SLC22A24: variants seen among roughly 807,000 people sequenced by gnomAD.
SLC22A24 encodes steroid transmembrane transporter SLC22A24.
A neutral mutation model predicts 49.8 loss-of-function variants in SLC22A24; 53 were observed. The observed-to-expected ratio is 1.06, with a 90% CI of 0.85 to 1.34. The LOEUF is 1.34. Among genes scored for constraint, SLC22A24 ranks in the 40% most tolerant of loss-of-function variants. SLC22A24 has a pLI of 0.00. For missense variants in SLC22A24, 786 were observed against 675.9 expected, an observed-to-expected ratio of 1.16 and a Z score of -1.81; for synonymous variants, 302 against 256.4, an observed-to-expected ratio of 1.18 and a Z score of -1.70.
At chr11:63,092,943 A>G (rs761500224) in intron 6 of SLC22A24, among the ~76,000 whole-genome samples, 1 of 152,186 alleles carries the variant, frequency 6.6e-6, no homozygotes, top group Non-Finnish European at 1.5e-5. Flanking sequence ...CAAGCTACCT[A>G]TCTGACAAAA....
At chr11:63,139,901 C>T (rs1371016741) in intron 1 of SLC22A24, among the ~76,000 whole-genome samples, 1 of 151,470 alleles carries the variant, frequency 6.6e-6, no homozygotes, top group Non-Finnish European at 1.5e-5. Flanking sequence ...TTCTCTTTAT[C>T]TGTATTTATA....
At chr11:63,130,478 G>C (rs2087325954) in intron 2 of SLC22A24, among the ~76,000 whole-genome samples, 1 of 152,114 alleles carries the variant, frequency 6.6e-6, no homozygotes, top group Non-Finnish European at 1.5e-5. Flanking sequence ...TCATGATGAT[G>C]CTGGTCTCAT....
At chr11:63,104,562 G>T (rs925018223) in intron 4 of SLC22A24, among the ~76,000 whole-genome samples, 15 of 152,076 alleles carry the variant, frequency 9.9e-5, no homozygotes. Context: ...CCTGAGACTG[G>T]GTAACTTATA....
At chr11:63,143,245 C>T in intron 1 of SLC22A24, 133 bp downstream of exon 1, 1 of 655,060 alleles carries the variant, frequency 1.5e-6, no homozygotes, top group Non-Finnish European at 2.3e-6. Flanking sequence ...GTGCTGCCAC[C>T]TGCTAAAGGA....
intron 1 of SLC22A24, among the ~76,000 whole-genome samples, chr11:63,142,733 C>A (rs548174143): frequency 6.6e-6 from 1 of 152,090 alleles, no homozygotes; most frequent in East Asian, 1.9e-4. Context: ...ATCTTGTGAC[C>A]CCCACTTAGG....
intron 1 of SLC22A24, among the ~76,000 whole-genome samples, chr11:63,136,619 C>T (rs2087376829): frequency 6.6e-6 from 1 of 152,226 alleles, no homozygotes; most frequent in Admixed American, 6.5e-5. Context: ...GCTGGCTCTG[C>T]ATGAATTATT....
At chr11:63,103,792 A>C (rs1221296547) in intron 5 of SLC22A24, among the ~76,000 whole-genome samples, 2 of 152,214 alleles carry the variant, frequency 1.3e-5, no homozygotes, top group Non-Finnish European at 2.9e-5. Context: ...ATAAAGGGTC[A>C]AAATCACATT....
intron 2 of SLC22A24, 127 bp from the exon 3 acceptor site, chr11:63,119,462 G>A: frequency 3.3e-6 from 3 of 897,630 alleles, no homozygotes; most frequent in Non-Finnish European, 5.0e-6. Context: ...CTTGACACCG[G>A]GTGGCATAAT....
At chr11:63,136,159 T>C (rs2087372832) in intron 1 of SLC22A24, among the ~76,000 whole-genome samples, 1 of 152,146 alleles carries the variant, frequency 6.6e-6, no homozygotes, top group Non-Finnish European at 1.5e-5. Context: ...TGATGAAAAG[T>C]AGATTTTATA....
intron 6 of SLC22A24, among the ~76,000 whole-genome samples, chr11:63,093,455 A>G (rs749781051): frequency 1.3e-5 from 2 of 152,224 alleles, no homozygotes; most frequent in Non-Finnish European, 2.9e-5. Flanking sequence ...AGACCCATCA[A>G]TAATAGACTA....
At chr11:63,083,556 T>C in intron 6 of SLC22A24, 99 bp from the exon 7 acceptor site, 2 of 955,336 alleles carry the variant, frequency 2.1e-6, no homozygotes, top group Non-Finnish European at 3.1e-6. Context: ...ATGATTATAA[T>C]ATTGACCCAA....
intron 6 of SLC22A24, among the ~76,000 whole-genome samples, chr11:63,092,356 C>T (rs2087025354): frequency 6.8e-6 from 1 of 146,778 alleles, no homozygotes; most frequent in African/African-American, 2.5e-5. Flanking sequence ...AATGCTATTC[C>T]CATGAAGCTA....
At chr11:63,119,152 A>G (rs1304400518) in intron 3 of SLC22A24, 29 bp downstream of exon 3, 1 of 1,528,962 alleles carries the variant, frequency 6.5e-7, no homozygotes, top group Non-Finnish European at 8.8e-7. Flanking sequence ...AGACATGGAG[A>G]TGATAAAATG....
At chr11:63,138,635 C>T (rs1332377064) in intron 1 of SLC22A24, among the ~76,000 whole-genome samples, 2 of 73,396 alleles carry the variant, frequency 2.7e-5, no homozygotes, top group Admixed American at 2.4e-4. Context: ...GAGCAAGACT[C>T]TGTCTCAAAA....
chr11:63,085,067 A>G (rs1000935958), intron 6 of SLC22A24, among the ~76,000 whole-genome samples: 3 of 152,070 alleles, frequency 2.0e-5, no homozygotes, highest in African/African-American at 7.2e-5. Context: ...GGTGAAGATG[A>G]TGATTTTCTG....
At chr11:63,111,353 G>A (rs969257680) in intron 4 of SLC22A24, among the ~76,000 whole-genome samples, 3 of 152,028 alleles carry the variant, frequency 2.0e-5, no homozygotes, top group Non-Finnish European at 4.4e-5. Flanking sequence ...TCAGGATGAT[G>A]CTGGCTTCAT....
chr11:63,140,091 T>TTG lies in SLC22A24; in HGVS notation c.402+3286_402+3287insCA, dbSNP rs2087404957. The stretch of plus-strand genomic sequence containing the variant: ...TGTTTTTTTGTTTTTTTTTTTTGTT[T>TTG]TTTTTTTTTGAGACGGGGTCTTGCT... On this transcript the variant is annotated intron_variant, in intron 1 of 9. Coordinates refer to ENST00000612278, the MANE Select transcript of SLC22A24 (RefSeq NM_001136506.2). 3.4e-5 allele frequency among the ~76,000 whole-genome samples: 5 copies of TTG among 148,670 alleles called. 1 individual carries two copies. In the South Asian group the frequency reaches 1.1e-3, roughly 32 times the overall value.
At chr11:63,080,116 T>C (rs1314675757) in intron 9 of SLC22A24, 116 bp from the exon 10 acceptor site, 2 of 640,610 alleles carry the variant, frequency 3.1e-6, no homozygotes, top group Admixed American at 2.6e-5. Flanking sequence ...CCCACCAGCA[T>C]TGTAATCCAA....
chr11:63,139,013 T>C (rs1313851823), intron 1 of SLC22A24, among the ~76,000 whole-genome samples: 1 of 152,150 alleles, frequency 6.6e-6, no homozygotes, highest in African/African-American at 2.4e-5. Flanking sequence ...TAATAAGAGA[T>C]CTGAAAGGAT....
Sources: gnomAD v4.1 joint callset for allele counts (sites outside exome capture counted in the v4.1 genomes callset) on GRCh38, gnomAD v4.1.1 for gene constraint, MANE v1.5 for transcripts, NCBI Gene and HGNC (gene_info 2026-07-23, HGNC 2026-07-21) for gene names.